Variants in CELF5 observed in about 807,000 individuals in gnomAD.
CELF5 encodes the protein CUG-BP and ETR-3 like factor 5.
Under a neutral mutation model 54.9 loss-of-function variants are expected in CELF5, and 6 were observed. The observed-to-expected ratio is 0.11, with a 90% CI of 0.06 to 0.22. The LOEUF is 0.22. Ranked by LOEUF, CELF5 falls within the 10% of genes least tolerant of loss-of-function variation. The probability of loss-of-function intolerance (pLI) is 1.00; values close to 1 mark genes in which losing one functional copy is unlikely to be tolerated. For missense variants in CELF5, 401 were observed against 678.6 expected, an observed-to-expected ratio of 0.59 and a Z score of 4.54; for synonymous variants, 271 against 290.9, an observed-to-expected ratio of 0.93 and a Z score of 0.70.
intron 1 of CELF5, among the ~76,000 whole-genome samples, chr19:3,234,584 A>C (rs1917431345): frequency 6.6e-6 from 1 of 152,124 alleles, no homozygotes; most frequent in Non-Finnish European, 1.5e-5. Flanking sequence ...TCCACGGTGC[A>C]GAAGCTGAGA....
intron 2 of CELF5, among the ~76,000 whole-genome samples, chr19:3,266,710 A>T (rs1396463576): frequency 1.3e-5 from 2 of 152,162 alleles, no homozygotes; most frequent in East Asian, 3.9e-4. Flanking sequence ...CAAAGGTGAG[A>T]CCTGTGGCGT....
intron 1 of CELF5, among the ~76,000 whole-genome samples, chr19:3,249,220 C>T (rs939062069): frequency 6.6e-6 from 1 of 152,074 alleles, no homozygotes; most frequent in Admixed American, 6.6e-5. Flanking sequence ...AACATCGGAG[C>T]AGCCCACGAT....
At chr19:3,277,888 G>A in intron 4 of CELF5, 143 bp from the exon 5 acceptor site, 2 of 645,564 alleles carry the variant, frequency 3.1e-6, no homozygotes, top group Non-Finnish European at 5.6e-6. Context: ...CAAACGGCTG[G>A]CTGTCTTTCT....
chr19:3,282,472 A>G lies in CELF5; in HGVS notation c.1013A>G (p.Tyr338Cys), dbSNP rs150291570. 23 of 1,613,560 alleles carry G rather than the reference A, an allele frequency of 1.4e-5. No individual in the cohort carries two copies. In the African/African-American group the frequency reaches 2.8e-4, roughly 20 times the overall value. ...PGGHPALETV[Y>C]ANGLVPYPAQ... is the part of the protein sequence containing the mutation. ...GGGCACCCTGCCCTGGAAACCGTCT[A>G]TGCCAATGGCCTTGTGCCCTACCCA... Residue 338 changes from tyrosine to cysteine, a missense_variant, in exon 8 of 13, where the codon TAT (tyrosine) becomes TGT (cysteine). By Grantham distance (194) the Tyr-to-Cys change is radical (BLOSUM62 -2). This residue lies in a region of CELF5 where 143 missense variants were observed against 147.6 expected (regional missense o/e 0.97). Coordinates refer to ENST00000292672, the MANE Select transcript of CELF5 (RefSeq NM_021938.4). The surrounding 1 kb of genome is among the most constrained non-coding windows in gnomAD (Gnocchi z 5.2).
At chr19:3,276,200 A>G (rs914698799) in intron 4 of CELF5, among the ~76,000 whole-genome samples, 18 of 6,434 alleles carry the variant, frequency 2.8e-3, no homozygotes, top group Non-Finnish European at 4.1e-3. Flanking sequence ...GGGCCTGGGG[A>G]GGGGATGGGG....
chr19:3,279,292 G>A (rs1466747511), intron 5 of CELF5, among the ~76,000 whole-genome samples: 1 of 152,054 alleles, frequency 6.6e-6, no homozygotes, highest in Non-Finnish European at 1.5e-5. Flanking sequence ...AGGCTGGGGA[G>A]GACCAAGGAG....
intron 1 of CELF5, among the ~76,000 whole-genome samples, chr19:3,244,752 G>A (rs924961430): frequency 6.6e-6 from 1 of 150,438 alleles, no homozygotes; most frequent in African/African-American, 2.4e-5. Context: ...TGTGTGTAGT[G>A]TGTGGTGTGT....
At chr19:3,274,823 C>T (rs1188929744) in intron 3 of CELF5, among the ~76,000 whole-genome samples, 1 of 152,090 alleles carries the variant, frequency 6.6e-6, no homozygotes, top group Non-Finnish European at 1.5e-5. Context: ...CCCTTTCACA[C>T]TCTCCACCCT....
chr19:3,246,704 C>T lies in CELF5; in HGVS notation c.260-4281C>T, dbSNP rs1478588130. 2.6e-5 allele frequency among the ~76,000 whole-genome samples: 4 copies of T among 152,124 alleles called. No homozygotes were observed. In the East Asian group the frequency reaches 7.7e-4, roughly 29 times the overall value. Reference sequence around the variant, plus strand: ...CTCCAGCCTGGGCAACAGAGCAAGACCCTGTCTCAAAAAAACAAAAATTGG... The same window carrying T: ...CTCCAGCCTGGGCAACAGAGCAAGATCCTGTCTCAAAAAAACAAAAATTGG... On this transcript the variant is annotated intron_variant, in intron 1 of 12. Transcript: ENST00000292672.
At chr19:3,280,532 G>A (rs1042191440) in intron 5 of CELF5, among the ~76,000 whole-genome samples, 2 of 152,016 alleles carry the variant, frequency 1.3e-5, no homozygotes, top group African/African-American at 2.4e-5. Flanking sequence ...CCGAGATCGC[G>A]CCATTGCACT....
chr19:3,296,181 T>C (rs78179950), intron 12 of CELF5: 2 of 126,388 alleles, frequency 1.6e-5, no homozygotes, highest in African/African-American at 5.8e-5. Flanking sequence ...TGGGGTGGGG[T>C]GTCTTTGTGA....
intron 1 of CELF5, among the ~76,000 whole-genome samples, chr19:3,226,476 A>ACACACACACG (rs1555715644): frequency 6.6e-6 from 1 of 150,976 alleles, no homozygotes; most frequent in Non-Finnish European, 1.5e-5. Context: ...ACACACACAC[A>ACACACACACG]AAATTGGGCC....
chr19:3,269,469 C>T (rs1001817952), intron 2 of CELF5, among the ~76,000 whole-genome samples: 4 of 152,146 alleles, frequency 2.6e-5, no homozygotes, highest in South Asian at 2.1e-4. Context: ...TGAGCCACCG[C>T]GCCCGGCCCC....
At chr19:3,285,692 C>A in intron 9 of CELF5, among the ~76,000 whole-genome samples, 2 of 130,840 alleles carry the variant, frequency 1.5e-5, no homozygotes, top group African/African-American at 2.9e-5. Context: ...CGCCCCGTCT[C>A]GGTATTGGCC....
rs930569546 is a variant in CELF5 at position 3,281,462 on chromosome 19, G to A, written c.750+117G>A. 2.8e-5 allele frequency: 34 copies of A among 1,206,748 alleles called. No homozygotes were observed. In the South Asian group the frequency reaches 3.3e-4, roughly 12 times the overall value. 74.8% of individuals were successfully genotyped at this position (1,206,748 alleles called of 1,614,324 possible). On this transcript the variant is annotated intron_variant, in intron 6 of 12. Transcript: ENST00000292672. This position sits in a 1 kb window ranked among gnomAD's most constrained non-coding sequence, Gnocchi z 6.5. The stretch of plus-strand genomic sequence containing the variant: ...CCCTGACTCAGGGTCCTCTCCTGGC[G>A]TGGCTGAACCCCAACTCCAAATTGA...
At chr19:3,287,029 C>A (rs113402511) in intron 10 of CELF5, among the ~76,000 whole-genome samples, 1 of 102,760 alleles carries the variant, frequency 9.7e-6, no homozygotes, top group African/African-American at 3.6e-5. Flanking sequence ...AGCAAGACTC[C>A]GTCTCAAAAA....
At chr19:3,295,799 C>CAT (rs2080430600) in intron 12 of CELF5, 1 of 152,408 alleles carries the variant, frequency 6.6e-6, no homozygotes, top group South Asian at 2.1e-4. Flanking sequence ...CTGCCCGAGT[C>CAT]ATAGCCTTAC....
At chr19:3,232,309 C>T (rs1917307477) in intron 1 of CELF5, among the ~76,000 whole-genome samples, 1 of 152,150 alleles carries the variant, frequency 6.6e-6, no homozygotes, top group African/African-American at 2.4e-5. Context: ...AATCCCATTG[C>T]TTTGGGAGGT....
At chr19:3,271,833 C>T (rs952031547) in intron 2 of CELF5, among the ~76,000 whole-genome samples, 4 of 151,736 alleles carry the variant, frequency 2.6e-5, no homozygotes, top group Non-Finnish European at 5.9e-5. Context: ...TGTCAGATCA[C>T]GAGGGACAGA....
Sources: allele counts gnomAD v4.1 joint callset (sites outside exome capture counted in the v4.1 genomes callset), GRCh38; gene constraint gnomAD v4.1.1; regional missense constraint gnomAD v4.1.1; non-coding constraint Gnocchi (gnomAD v3.1); transcripts MANE v1.5; gene names NCBI Gene and HGNC (gene_info 2026-07-23, HGNC 2026-07-21).